The following NUDT3 variants were observed in gnomAD, a reference collection of about 807,000 sequenced individuals.
The protein encoded by NUDT3 is diphosphoinositol polyphosphate phosphohydrolase 1.
Under a neutral mutation model 23.6 loss-of-function variants are expected in NUDT3, and 9 were observed. The ratio of observed to expected loss-of-function variants is 0.38; its 90% CI spans 0.23 to 0.66. The LOEUF (loss-of-function observed/expected upper bound fraction) is 0.66. NUDT3 is among the 30% of genes least tolerant of loss of function. NUDT3 has a pLI of 0.52. For synonymous variants in NUDT3, 86 were observed against 82.6 expected (o/e 1.04, Z -0.22); for missense variants, 172 against 218.5 (o/e 0.79, Z 1.34).
At chr6:34,322,055 T>C (rs1441185485) in intron 2 of NUDT3, among the ~76,000 whole-genome samples, 1 of 152,186 alleles carries the variant, frequency 6.6e-6, no homozygotes, top group Non-Finnish European at 1.5e-5. Flanking sequence ...GTGGATGCCA[T>C]ACGGAACAAC....
At chr6:34,309,848 T>A (rs950802840) in intron 2 of NUDT3, among the ~76,000 whole-genome samples, 6 of 152,092 alleles carry the variant, frequency 3.9e-5, no homozygotes, top group African/African-American at 1.4e-4. Context: ...CTACATGAAA[T>A]GACCAATTCC....
At chr6:34,362,381 G>A (rs1764664424) in intron 1 of NUDT3, among the ~76,000 whole-genome samples, 1 of 152,054 alleles carries the variant, frequency 6.6e-6, no homozygotes, top group Non-Finnish European at 1.5e-5. Context: ...TTGCTACATT[G>A]CCCAGGCTGG....
At chr6:34,356,159 A>G (rs969860463) in intron 1 of NUDT3, among the ~76,000 whole-genome samples, 5 of 152,194 alleles carry the variant, frequency 3.3e-5, no homozygotes, top group African/African-American at 1.2e-4. Flanking sequence ...AAGAAAGGAT[A>G]AATGCCTGAG....
chr6:34,318,868 A>C (rs1763898830), intron 2 of NUDT3, among the ~76,000 whole-genome samples: 1 of 152,088 alleles, frequency 6.6e-6, no homozygotes, highest in Non-Finnish European at 1.5e-5. Context: ...CAGCCTGTAC[A>C]TGCTTCTTTG....
intron 1 of NUDT3, among the ~76,000 whole-genome samples, chr6:34,389,456 A>G (rs929878039): frequency 1.8e-4 from 28 of 152,160 alleles, no homozygotes; most frequent in African/African-American, 6.3e-4. Flanking sequence ...GTATTTCTTT[A>G]TAACAGTGTG....
At chr6:34,351,408 C>A (rs1169509896) in intron 1 of NUDT3, among the ~76,000 whole-genome samples, 1 of 142,854 alleles carries the variant, frequency 7.0e-6, no homozygotes, top group African/African-American at 2.7e-5. Flanking sequence ...GCACTGCACT[C>A]CATCCTAGGC....
intron 1 of NUDT3, among the ~76,000 whole-genome samples, chr6:34,389,139 G>A (rs1002884778): frequency 3.3e-5 from 5 of 152,128 alleles, no homozygotes; most frequent in Non-Finnish European, 7.3e-5. Flanking sequence ...ATCTCATCTC[G>A]ATTTGTAATC....
intron 1 of NUDT3, among the ~76,000 whole-genome samples, chr6:34,349,786 C>A (rs988200850): frequency 3.3e-5 from 5 of 150,654 alleles, no homozygotes; most frequent in African/African-American, 1.2e-4. Context: ...GAAATACTCT[C>A]CTTAAATAAA....
At chr6:34,324,409 T>C (rs1179568743) in intron 2 of NUDT3, among the ~76,000 whole-genome samples, 1 of 152,026 alleles carries the variant, frequency 6.6e-6, no homozygotes, top group Non-Finnish European at 1.5e-5. Context: ...ATATAATTGT[T>C]ATTGTTGCTG....
intron 2 of NUDT3, among the ~76,000 whole-genome samples, chr6:34,302,797 A>G (rs976122106): frequency 1.3e-5 from 2 of 152,190 alleles, no homozygotes; most frequent in African/African-American, 2.4e-5. Flanking sequence ...TTACAGTCAC[A>G]TATCTTTTCT....
At chr6:34,382,522 A>T (rs1765037451) in intron 1 of NUDT3, among the ~76,000 whole-genome samples, 1 of 152,108 alleles carries the variant, frequency 6.6e-6, no homozygotes, top group Admixed American at 6.6e-5. Context: ...AATAAAAATC[A>T]TGGTTAGGTA....
intron 1 of NUDT3, among the ~76,000 whole-genome samples, chr6:34,391,267 A>G (rs1468258176): frequency 1.2e-4 from 18 of 152,082 alleles, no homozygotes. Context: ...AATCCAATAT[A>G]ACATATTGGA....
At chr6:34,311,720 A>C (rs1744589354) in intron 2 of NUDT3, among the ~76,000 whole-genome samples, 1 of 152,198 alleles carries the variant, frequency 6.6e-6, no homozygotes, top group Admixed American at 6.5e-5. Flanking sequence ...GCAAGAGACA[A>C]ATAAATAAAT....
intron 2 of NUDT3, among the ~76,000 whole-genome samples, chr6:34,335,019 CAGAGTAT>C (rs895663560): frequency 6.6e-6 from 1 of 151,376 alleles, no homozygotes; most frequent in African/African-American, 2.4e-5. Context: ...GAAGACTACA[CAGAGTAT>C]AAAGTCTAGC....
intron 2 of NUDT3, among the ~76,000 whole-genome samples, chr6:34,313,280 C>G (rs972006530): frequency 4.4e-4 from 67 of 152,046 alleles, no homozygotes; most frequent in African/African-American, 1.5e-3. Context: ...TATATTCCAA[C>G]TATAAGACAT....
rs955104724 is a variant in NUDT3, at chr6:34,281,680, G to A, written c.*7073C>T. On this transcript the variant is annotated 3_prime_UTR_variant, in exon 5 of 5. Coordinates refer to ENST00000607016, the MANE Select transcript of NUDT3 (RefSeq NM_006703.4). ...ACCATGCCACTGGGCCCTGGACTCT[G>A]ATGTTTCTGATCCCTGAGCAACACA... 6.6e-6 allele frequency: 1 copy of A among 152,196 alleles called. No individual in the cohort carries two copies. The highest frequency in any genetic ancestry group is 2.4e-5 in the African/African-American group (1 of 41,446). 9.4% of individuals were successfully genotyped at this position (152,196 alleles called of 1,614,324 possible).
chr6:34,349,130 G>A (rs1190493408), intron 1 of NUDT3, among the ~76,000 whole-genome samples: 1 of 152,008 alleles, frequency 6.6e-6, no homozygotes, highest in Non-Finnish European at 1.5e-5. Flanking sequence ...TGAACTCCTG[G>A]GCTCAAGGGA....
rs1480803549 is a variant in NUDT3, at chr6:34,356,970, G to C, written c.100-14998C>G. ...TTTTTTGTATTTTTAGTAGAAACAG[G>C]GTTTCACCGTGTTAGCCAGGATGGT... On this transcript the variant is annotated intron_variant, in intron 1 of 4. Coordinates refer to ENST00000607016, the MANE Select transcript of NUDT3 (RefSeq NM_006703.4). Among the ~76,000 whole-genome samples, 3 of 152,140 alleles carry C rather than the reference G, an allele frequency of 2.0e-5. No homozygotes were observed. In the Middle Eastern group the frequency reaches 0.01, roughly 517 times the overall value.
chr6:34,304,251 CAAAAAAA>C (rs60576919), intron 2 of NUDT3, among the ~76,000 whole-genome samples: 3 of 81,176 alleles, frequency 3.7e-5, no homozygotes, highest in Admixed American at 1.4e-4. Flanking sequence ...AACTCTGTCT[CAAAAAAA>C]AAAAAAAAAA....
Sources: allele counts gnomAD v4.1 joint callset (sites outside exome capture counted in the v4.1 genomes callset), GRCh38; gene constraint gnomAD v4.1.1; transcripts MANE v1.5; gene names NCBI Gene and HGNC (gene_info 2026-07-23, HGNC 2026-07-21).